RUVBL1: variants seen among roughly 807,000 people sequenced by gnomAD.
RUVBL1 encodes ruvB-like 1.
Under a neutral mutation model 52.4 loss-of-function variants are expected in RUVBL1, and 4 were observed. That is an observed-to-expected ratio of 0.08 (90% CI 0.04 to 0.17). The LOEUF is 0.17. RUVBL1 is among the 10% of genes least tolerant of loss of function. The pLI is 1.00. For missense variants in RUVBL1, 298 were observed against 572.8 expected (o/e 0.52, Z 4.90); for synonymous variants, 217 against 214.4 (o/e 1.01, Z -0.10).
intron 9 of RUVBL1, among the ~76,000 whole-genome samples, chr3:128,074,281 C>G (rs768413328): frequency 1.1e-4 from 17 of 151,746 alleles, no homozygotes; most frequent in Admixed American, 5.2e-4. Context: ...TCCATACACA[C>G]AACATTCAGG....
At chr3:128,088,587 T>C (rs1048332751) in intron 8 of RUVBL1, among the ~76,000 whole-genome samples, 113 of 151,484 alleles carry the variant, frequency 7.5e-4, no homozygotes, top group Non-Finnish European at 1.5e-3. Context: ...TTTTTTTTCA[T>C]GTTGCTTCAG....
At chr3:128,132,508 G>A (rs1338896267) in intron 1 of RUVBL1, among the ~76,000 whole-genome samples, 3 of 152,180 alleles carry the variant, frequency 2.0e-5, no homozygotes, top group Admixed American at 6.5e-5. Context: ...GGAGAGCAGA[G>A]AGGAGAGTAA....
chr3:128,113,424 A>G (rs551190815), intron 2 of RUVBL1, among the ~76,000 whole-genome samples: 2 of 152,338 alleles, frequency 1.3e-5, no homozygotes, highest in South Asian at 4.1e-4. Context: ...GCAGGACTCC[A>G]AAGATCATGT....
chr3:128,093,367 T>C (rs1417522818), intron 8 of RUVBL1, among the ~76,000 whole-genome samples: 2 of 152,164 alleles, frequency 1.3e-5, no homozygotes, highest in African/African-American at 4.8e-5. Flanking sequence ...TTGATGGGTA[T>C]AGTTTCTTTT....
chr3:128,125,005 CTTTTTTTTTTT>C (rs749620135), upstream of RUVBL1, among the ~76,000 whole-genome samples: 1 of 61,352 alleles, frequency 1.6e-5, no homozygotes, highest in Admixed American at 2.6e-4. Context: ...CTCACACCGC[CTTTTTTTTTTT>C]TTTTTTTTTT....
intron 1 of RUVBL1, among the ~76,000 whole-genome samples, chr3:128,152,368 T>C (rs896275544): frequency 6.6e-6 from 1 of 152,196 alleles, no homozygotes; most frequent in African/African-American, 2.4e-5. Flanking sequence ...AAACCATCTT[T>C]TCCCATGGTT....
At chr3:128,095,754 T>A (rs1054240541) in intron 8 of RUVBL1, among the ~76,000 whole-genome samples, 29 of 152,234 alleles carry the variant, frequency 1.9e-4, no homozygotes, top group South Asian at 6.2e-4. Context: ...TGTTTTTTTT[T>A]AATTATTTTT....
chr3:128,135,266 C>T (rs1256215830), intron 1 of RUVBL1, among the ~76,000 whole-genome samples: 1 of 152,216 alleles, frequency 6.6e-6, no homozygotes, highest in Non-Finnish European at 1.5e-5. Flanking sequence ...GGCATGGTGG[C>T]TCATGCCTGT....
At chr3:128,069,649 C>T in intron 9 of RUVBL1, 1 of 1,614,030 alleles carries the variant, frequency 6.2e-7, no homozygotes, top group Non-Finnish European at 8.5e-7. Flanking sequence ...AGCATGGGGG[C>T]CCTGCTCTTC....
chr3:128,125,005 C>CTTTTTTT (rs749620135), upstream of RUVBL1, among the ~76,000 whole-genome samples: 10 of 61,382 alleles, frequency 1.6e-4, 2 homozygotes, highest in African/African-American at 2.8e-4. Flanking sequence ...CTCACACCGC[C>CTTTTTTT]TTTTTTTTTT....
At chr3:128,115,255 C>T (rs552721341) in intron 2 of RUVBL1, among the ~76,000 whole-genome samples, 7 of 152,204 alleles carry the variant, frequency 4.6e-5, no homozygotes, top group Non-Finnish European at 1.0e-4. Context: ...ACCCCAATCT[C>T]CAAAGCCATT....
intron 9 of RUVBL1, chr3:128,069,425 T>TGTC: frequency 1.3e-6 from 2 of 1,566,682 alleles, no homozygotes; most frequent in South Asian, 2.3e-5. Flanking sequence ...GCCGCCTGGC[T>TGTC]CACGGGGAGC....
At chr3:128,074,100 C>T (rs1455991401) in intron 9 of RUVBL1, among the ~76,000 whole-genome samples, 1 of 152,198 alleles carries the variant, frequency 6.6e-6, no homozygotes, top group East Asian at 1.9e-4. Context: ...AGCTATTCTA[C>T]TCCTGGGTAT....
intron 2 of RUVBL1, among the ~76,000 whole-genome samples, chr3:128,117,519 T>C (rs911986663): frequency 2.0e-5 from 3 of 152,128 alleles, no homozygotes; most frequent in Non-Finnish European, 2.9e-5. Context: ...TGAAAACCAC[T>C]GCAATCTTAA....
At chr3:128,116,262 C>T (rs1408414922) in intron 2 of RUVBL1, among the ~76,000 whole-genome samples, 2 of 150,320 alleles carry the variant, frequency 1.3e-5, no homozygotes, top group Non-Finnish European at 3.0e-5. Flanking sequence ...ATCTGGGGGC[C>T]AGGCACAGTG....
At chr3:128,070,055 G>A (rs761305302) in intron 9 of RUVBL1, 5 of 165,244 alleles carry the variant, frequency 3.0e-5, no homozygotes, top group South Asian at 1.7e-4. Flanking sequence ...AAATGTCTAC[G>A]TTTCATTTTG....
chr3:128,135,255 G>A (rs1943932380), intron 1 of RUVBL1, among the ~76,000 whole-genome samples: 2 of 152,098 alleles, frequency 1.3e-5, no homozygotes, highest in African/African-American at 4.8e-5. Context: ...AAGGAAGGCT[G>A]GGCATGGTGG....
At chr3:128,147,603 T>A (rs534842171) in intron 1 of RUVBL1, among the ~76,000 whole-genome samples, 1 of 152,134 alleles carries the variant, frequency 6.6e-6, no homozygotes, top group East Asian at 1.9e-4. Flanking sequence ...CACTCAACAA[T>A]ACCAAATACA....
intron 1 of RUVBL1, 127 bp downstream of exon 1, chr3:128,123,457 T>C: frequency 3.3e-6 from 4 of 1,214,650 alleles, no homozygotes; most frequent in Non-Finnish European, 4.4e-6. Context: ...CCATTTTCAC[T>C]TCCCTGAGGA....
Sources: gnomAD v4.1 joint callset for allele counts (sites outside exome capture counted in the v4.1 genomes callset) on GRCh38, gnomAD v4.1.1 for gene constraint, MANE v1.5 for transcripts, NCBI Gene and HGNC (gene_info 2026-07-23, HGNC 2026-07-21) for gene names.